Variants in KIF1C observed in about 807,000 individuals in gnomAD.
The protein encoded by KIF1C is kinesin family member 1C.
A neutral mutation model predicts 126.5 loss-of-function variants in KIF1C; 61 were observed. That is an observed-to-expected ratio of 0.48 (90% CI 0.39 to 0.60). The LOEUF (loss-of-function observed/expected upper bound fraction) is 0.60. Ranked by LOEUF, KIF1C falls within the 20% of genes least tolerant of loss-of-function variation. KIF1C has a pLI of 0.00. For missense variants in KIF1C, 1,315 were observed against 1,489.2 expected, an observed-to-expected ratio of 0.88 and a Z score of 1.93; for synonymous variants, 640 against 580.6, an observed-to-expected ratio of 1.10 and a Z score of -1.47.
At chr17:4,999,309 A>G (rs924995851) in intron 1 of KIF1C, among the ~76,000 whole-genome samples, 9 of 152,162 alleles carry the variant, frequency 5.9e-5, no homozygotes, top group Non-Finnish European at 1.3e-4. Context: ...CCTTGCCGAC[A>G]CTGTGGGGGA....
intron 16 of KIF1C, among the ~76,000 whole-genome samples, chr17:5,008,661 C>T (rs1974790451): frequency 6.6e-6 from 1 of 152,228 alleles, no homozygotes; most frequent in Admixed American, 6.5e-5. Flanking sequence ...TTTTGCCTTG[C>T]CTGGCCCAAG....
rs1172108746 is a variant in KIF1C, at chr17:5,023,981, C to T, written c.3142C>T (p.Pro1048Ser). Reference sequence around the variant, plus strand: ...ATCCCGGGGAGCGGGTTCTGCACAGCCTGAACCCCAGCACTTCCAGCCCAA... The same window carrying T: ...ATCCCGGGGAGCGGGTTCTGCACAGTCTGAACCCCAGCACTTCCAGCCCAA... Reference protein sequence around the residue: ...GRSRGAGSAQPEPQHFQPKKH... With the variant: ...GRSRGAGSAQSEPQHFQPKKH... The change falls in exon 23 of 23, where the codon CCT (proline) becomes TCT (serine). Residue 1048 changes from proline to serine, a missense_variant. By Grantham distance (74) the Pro-to-Ser change is moderately conservative. Coordinates refer to ENST00000320785, the MANE Select transcript of KIF1C (RefSeq NM_006612.6). This position sits in a 1 kb window ranked among gnomAD's most constrained non-coding sequence, Gnocchi z 4.2. 2 of 1,597,082 alleles carry T rather than the reference C, an allele frequency of 1.3e-6. No homozygotes were observed. Among genetic ancestry groups the T allele is most frequent in the Admixed American group, 3.5e-5 (2 of 57,868 alleles).
rs139084469 is a variant in KIF1C at position 5,022,593 on chromosome 17, G to T, written c.2512G>T (p.Asp838Tyr). The T allele has an allele frequency of 2.5e-6, 4 of 1,603,318 alleles. No individual in the cohort carries two copies. The East Asian group carries it at 6.7e-5, about 27-fold the overall frequency. ...AEVEDLRAHI[D>Y]KLTGILQEVK... Reference sequence around the variant, plus strand: ...GGTGGAGGACCTCCGGGCCCACATCGACAAGCTGACGGGGATTCTGCAGGA... The same window carrying T: ...GGTGGAGGACCTCCGGGCCCACATCTACAAGCTGACGGGGATTCTGCAGGA... The change falls in exon 22 of 23, where the codon GAC (aspartate) becomes TAC (tyrosine). Residue 838 changes from aspartate to tyrosine, a missense_variant. Around this residue, in one of 2 missense-constraint regions of KIF1C, gnomAD observed 441 missense variants for 436.1 expected, o/e 1.01. Transcript: ENST00000320785. This position sits in a 1 kb window ranked among gnomAD's most constrained non-coding sequence, Gnocchi z 4.9.
Position 5,024,405 on chromosome 17 carries a change from G to A in KIF1C, c.*254G>A, listed in dbSNP as rs1360453577. ...CCTCGGGGCCACCCCTTGCAAAGGG[G>A]GTGTGTCCCACAAACGCTGCTATGG... On this transcript the variant is annotated 3_prime_UTR_variant, in exon 23 of 23. Coordinates refer to ENST00000320785, the MANE Select transcript of KIF1C (RefSeq NM_006612.6). 1 of 416,568 alleles carries A rather than the reference G, an allele frequency of 2.4e-6. No homozygotes were observed. The highest frequency in any genetic ancestry group is 6.0e-5 in the South Asian group (1 of 16,660). 25.8% of individuals were successfully genotyped at this position (416,568 alleles called of 1,614,324 possible). A position where few individuals can be genotyped will look rare whatever the true frequency, so the allele number is the denominator to read the frequency against.
At chr17:5,021,898 C>T (rs1481640531) in intron 21 of KIF1C, among the ~76,000 whole-genome samples, 194 bp from the exon 22 acceptor site, 2 of 152,136 alleles carry the variant, frequency 1.3e-5, no homozygotes, top group Non-Finnish European at 2.9e-5. Context: ...GGAGGTAGAT[C>T]CCGTCACTAT....
Position 5,021,517 on chromosome 17 carries a change from T to A in KIF1C, c.2011-575T>A, listed in dbSNP as rs146561442. ...GTTTTTGAGGCAGGATCTTGCTCTGTCACCCTGGCTGGAGTGCAGTGGCCT... is the reference window on the plus strand; with the variant it reads ...GTTTTTGAGGCAGGATCTTGCTCTGACACCCTGGCTGGAGTGCAGTGGCCT... On this transcript the variant is annotated intron_variant, in intron 21 of 22. Transcript: ENST00000320785. 6.8e-3 allele frequency among the ~76,000 whole-genome samples: 1,037 copies of A among 151,874 alleles called. 3 individuals carry two copies. Among genetic ancestry groups the A allele is most frequent in the Middle Eastern group, 0.024 (7 of 292 alleles).
chr17:5,023,663 C>T lies in KIF1C; in HGVS notation c.2824C>T (p.Leu942Phe). ...PAFRRGRLRW[L>F]KQEQLRLQGL... is the part of the protein sequence containing the mutation. ...CTTCCGTCGTGGTCGTCTTCGCTGG[C>T]TCAAGCAGGAGCAGCTACGGCTGCA... The change falls in exon 23 of 23, where the codon CTC (leucine) becomes TTC (phenylalanine). Residue 942 changes from leucine (L) to phenylalanine (F), a missense_variant. Physicochemically the swap from Leu to Phe is conservative, Grantham distance 22. Transcript: ENST00000320785. The surrounding 1 kb of genome is among the most constrained non-coding windows in gnomAD (Gnocchi z 4.2). The T allele has an allele frequency of 6.2e-7, 1 of 1,610,602 alleles. No individual in the cohort carries two copies.
intron 18 of KIF1C, among the ~76,000 whole-genome samples, chr17:5,018,634 G>A (rs1975028141): frequency 6.6e-6 from 1 of 151,604 alleles, no homozygotes; most frequent in African/African-American, 2.4e-5. Flanking sequence ...GTTGCAGTGA[G>A]CTGAGATCGC....
At position 5,023,802 on chromosome 17, in the gene KIF1C, G is replaced by T; in HGVS notation, c.2963G>T (p.Arg988Leu). ...RFPFKSNPQH[R>L]ESWPGMGSGE... ...CCCTTCAAGAGCAACCCCCAGCACC[G>T]GGAGTCTTGGCCAGGGATGGGGAGC... Residue 988 changes from arginine to leucine, a missense_variant, in exon 23 of 23, where the codon CGG becomes CTG. Arg to Leu is a moderately radical substitution (Grantham distance 102). Coordinates refer to ENST00000320785, the MANE Select transcript of KIF1C (RefSeq NM_006612.6). The surrounding 1 kb of genome is among the most constrained non-coding windows in gnomAD (Gnocchi z 4.2). The T allele has an allele frequency of 6.6e-7, 1 of 1,518,732 alleles. No homozygotes were observed. The highest frequency in any genetic ancestry group is 8.8e-7 in the Non-Finnish European group (1 of 1,135,336). The allele number at this position is 1,518,732 out of a possible 1,614,324, so 94.1% of individuals were successfully genotyped here.
At position 5,022,488 on chromosome 17, in the gene KIF1C, G is replaced by A. The variant is rs1975113669; in HGVS notation, c.2407G>A (p.Val803Ile). The change falls in exon 22 of 23, where the codon GTC (valine) becomes ATC (isoleucine). Residue 803 changes from valine to isoleucine, a missense_variant. Around this residue, in one of 2 missense-constraint regions of KIF1C, gnomAD observed 441 missense variants for 436.1 expected, o/e 1.01. Transcript: ENST00000320785. This position sits in a 1 kb window ranked among gnomAD's most constrained non-coding sequence, Gnocchi z 4.9. The stretch of plus-strand genomic sequence containing the variant: ...CGCCTGGAGGGCTGTGGCCCGGGAT[G>A]TCTGGGACACTGTAGGCGAGGAGGA... Reference protein sequence around the residue: ...GDAWRAVARDVWDTVGEEEGG... With the variant: ...GDAWRAVARDIWDTVGEEEGG... The A allele has an allele frequency of 1.3e-6, 2 of 1,587,834 alleles. No homozygotes were observed. The highest frequency in any genetic ancestry group is 1.7e-6 in the Non-Finnish European group (2 of 1,165,958).
At position 5,007,557 on chromosome 17, in the gene KIF1C, G is replaced by A. The variant is rs766031120; in HGVS notation, c.1491+15G>A. The A allele has an allele frequency of 9.1e-6, 14 of 1,537,562 alleles. No homozygotes were observed. Among genetic ancestry groups the A allele is most frequent in the African/African-American group, 1.4e-5 (1 of 72,248 alleles). On this transcript the variant is annotated intron_variant, in intron 16 of 22. Coordinates refer to ENST00000320785, the MANE Select transcript of KIF1C (RefSeq NM_006612.6). ...CTCCAAAGAAGGTGAGTGAGGAATCGAGCGAGGAGGCCTAGAGAGCTCTCT... is the reference window on the plus strand; with the variant it reads ...CTCCAAAGAAGGTGAGTGAGGAATCAAGCGAGGAGGCCTAGAGAGCTCTCT...
At position 5,020,822 on chromosome 17, in the gene KIF1C, A is replaced by G. The variant is rs1331843012; in HGVS notation, c.1954A>G (p.Asn652Asp). Residue 652 changes from asparagine to aspartate, a missense_variant, in exon 21 of 23, where the codon AAT (asparagine) becomes GAT (aspartate). Around this residue, in one of 2 missense-constraint regions of KIF1C, gnomAD observed 874 missense variants for 1,053.2 expected, o/e 0.83. Coordinates refer to ENST00000320785, the MANE Select transcript of KIF1C (RefSeq NM_006612.6). The surrounding 1 kb of genome is among the most constrained non-coding windows in gnomAD (Gnocchi z 5.8). The stretch of plus-strand genomic sequence containing the variant: ...CAATCCCAGGCTGCAGGATCTGGAG[A>G]ATCAGTACCGGAAAGAAAAGGAAGA... ...EMEKRLQDLE[N>D]QYRKEKEEAD... 4.4e-6 allele frequency: 7 copies of G among 1,594,298 alleles called. No individual in the cohort carries two copies. The highest frequency in any genetic ancestry group is 6.0e-6 in the Non-Finnish European group (7 of 1,170,148).
In KIF1C at chr17:5,023,752, C is replaced by T. The variant is rs1975145101; in HGVS notation, c.2913C>T (p.Pro971=). Residue 971 remains proline, a synonymous_variant, in exon 23 of 23, where the codon CCC becomes CCT. Transcript: ENST00000320785. This position sits in a 1 kb window ranked among gnomAD's most constrained non-coding sequence, Gnocchi z 4.2. The part of the protein sequence containing the change: ...GLRRPPARFV[P]PHDCKLRFPF... ...GCAGGCCCCCAGCCCGCTTTGTGCC[C>T]CCTCACGACTGCAAGCTACGCTTCC... 3 of 1,522,374 alleles carry T rather than the reference C, an allele frequency of 2.0e-6. No homozygotes were observed. Among genetic ancestry groups the T allele is most frequent in the Admixed American group, 4.5e-5 (2 of 44,562 alleles). The allele number at this position is 1,522,374 out of a possible 1,614,324, so 94.3% of individuals were successfully genotyped here.
chr17:5,004,719 G>A, intron 12 of KIF1C, 74 bp downstream of exon 12: 1 of 1,585,314 alleles, frequency 6.3e-7, no homozygotes, highest in Admixed American at 1.7e-5. Context: ...AGTTGCTCAG[G>A]ACCCTGCTCG....
At chr17:5,013,323 G>A (rs528991957) in intron 16 of KIF1C, among the ~76,000 whole-genome samples, 119 of 152,242 alleles carry the variant, frequency 7.8e-4, no homozygotes, top group African/African-American at 2.8e-3. Context: ...CTGGTGGGTC[G>A]AGGTGCTTCT....
rs1158312633 is a variant in KIF1C, at chr17:5,026,733, ACT to A, written c.*2588_*2589del. 2.2e-3 allele frequency: 192 copies of A among 88,946 alleles called. No homozygotes were observed. The highest frequency in any genetic ancestry group is 7.6e-3 in the African/African-American group (147 of 19,362). The allele number at this position is 88,946 out of a possible 1,614,324, so 5.5% of individuals were successfully genotyped here. On this transcript the variant is annotated 3_prime_UTR_variant, in exon 23 of 23. Transcript: ENST00000320785. ...GCACTCTGGCCTGGGCAAGAGTGGG[ACT>A]CTCTCAAAAAAAAAAAAAAAAAAAA...
Position 5,023,714 on chromosome 17 carries a change from G to A in KIF1C, c.2875G>A (p.Gly959Ser). 6.4e-7 allele frequency: 1 copy of A among 1,554,694 alleles called. No individual in the cohort carries two copies. The highest frequency in any genetic ancestry group is 1.4e-5 in the African/African-American group (1 of 72,810). The change falls in exon 23 of 23, where the codon GGC (glycine) becomes AGC (serine). Residue 959 changes from glycine (G) to serine (S), a missense_variant. This residue lies in a region of KIF1C where 441 missense variants were observed against 436.1 expected (regional missense o/e 1.01). Transcript: ENST00000320785. The surrounding 1 kb of genome is among the most constrained non-coding windows in gnomAD (Gnocchi z 4.2). The stretch of plus-strand genomic sequence containing the variant: ...GGGACTGCAGGGCTCTGGGGGCCGG[G>A]GCGGGGGGCTGCGCAGGCCCCCAGC... ...LQGLQGSGGRGGGLRRPPARF... is the reference protein window; with the variant it reads ...LQGLQGSGGRSGGLRRPPARF...
At chr17:5,004,466 G>C (rs1422730254) in intron 11 of KIF1C, 101 bp from the exon 12 acceptor site, 4 of 1,076,394 alleles carry the variant, frequency 3.7e-6, no homozygotes, top group Admixed American at 1.8e-5. Context: ...CCATGACCCT[G>C]TAAGACCTCT....
At position 5,024,150 on chromosome 17, in the gene KIF1C, G is replaced by C. The variant is rs1404684457; in HGVS notation, c.3311G>C (p.Ter1104SerextTer55). Residue 1104 changes from the stop codon to serine (S), a stop_lost, in exon 23 of 23, where the codon TGA (stop) becomes TCA (serine). Transcript: ENST00000320785. ...PDLKESGAAV[*>S] ...CTCAAGGAGAGTGGGGCAGCTGTGTGAGTCCCACATCCTGGGCAGAGGGCC... is the reference window on the plus strand; with the variant it reads ...CTCAAGGAGAGTGGGGCAGCTGTGTCAGTCCCACATCCTGGGCAGAGGGCC... The C allele has an allele frequency of 6.2e-7, 1 of 1,605,150 alleles. No homozygotes were observed.
Sources: gnomAD v4.1 joint callset for allele counts (sites outside exome capture counted in the v4.1 genomes callset) on GRCh38, gnomAD v4.1.1 for gene constraint, gnomAD v4.1.1 regional missense constraint, Gnocchi (gnomAD v3.1) non-coding constraint, MANE v1.5 for transcripts, NCBI Gene and HGNC (gene_info 2026-07-23, HGNC 2026-07-21) for gene names.